TMEM163: variants seen among roughly 807,000 people sequenced by gnomAD.
TMEM163 encodes transmembrane protein 163.
In TMEM163, 17 loss-of-function variants were observed where a neutral mutation model predicts 29.3. That is an observed-to-expected ratio of 0.58 (90% CI 0.40 to 0.87). The LOEUF is 0.87. TMEM163 is among the 40% of genes least tolerant of loss of function. TMEM163 has a pLI of 0.00. For missense variants in TMEM163, 303 were observed against 381.5 expected, an observed-to-expected ratio of 0.79 and a Z score of 1.71; for synonymous variants, 157 against 160.6, an observed-to-expected ratio of 0.98 and a Z score of 0.17.
chr2:134,623,387 G>A (rs1051629968), intron 2 of TMEM163, among the ~76,000 whole-genome samples: 7 of 152,068 alleles, frequency 4.6e-5, no homozygotes, highest in African/African-American at 1.7e-4. Flanking sequence ...TCACACCCAA[G>A]TACTAGATTC....
chr2:134,584,042 G>A (rs1167721535), intron 2 of TMEM163, among the ~76,000 whole-genome samples: 1 of 152,160 alleles, frequency 6.6e-6, no homozygotes. Flanking sequence ...GCAGCACCTG[G>A]CTCCTAGTAG....
At chr2:134,639,186 C>A (rs1440918926) in intron 2 of TMEM163, among the ~76,000 whole-genome samples, 2 of 152,166 alleles carry the variant, frequency 1.3e-5, no homozygotes, top group Non-Finnish European at 2.9e-5. Flanking sequence ...TGACACTGAG[C>A]AGAATCAACA....
intron 1 of TMEM163, chr2:134,713,638 T>C (rs772814673): frequency 8.0e-6 from 4 of 500,242 alleles, no homozygotes; most frequent in South Asian, 6.2e-5. Flanking sequence ...CCCTGTGTTA[T>C]GTTGCTTGGC....
chr2:134,545,564 G>T (rs1449835765), intron 4 of TMEM163, among the ~76,000 whole-genome samples: 1 of 151,724 alleles, frequency 6.6e-6, no homozygotes, highest in East Asian at 1.9e-4. Context: ...TCACCTCCTG[G>T]CCCCTTCCCT....
intron 2 of TMEM163, among the ~76,000 whole-genome samples, chr2:134,711,125 C>A (rs1023528515): frequency 6.6e-6 from 1 of 152,174 alleles, no homozygotes; most frequent in Admixed American, 6.5e-5. Flanking sequence ...ATTGCTTAAT[C>A]TCTATTTATT....
At chr2:134,554,347 A>T (rs1456201425) in intron 2 of TMEM163, among the ~76,000 whole-genome samples, 1 of 146,710 alleles carries the variant, frequency 6.8e-6, no homozygotes, top group Non-Finnish European at 1.5e-5. Context: ...AATCACTTGA[A>T]CCCGGGAGGC....
intron 2 of TMEM163, among the ~76,000 whole-genome samples, chr2:134,700,674 G>A (rs1317979151): frequency 1.3e-5 from 2 of 152,072 alleles, no homozygotes; most frequent in African/African-American, 2.4e-5. Context: ...TAAGGCGGGC[G>A]GATGACCTGA....
chr2:134,523,547 C>T (rs571184545), intron 4 of TMEM163, among the ~76,000 whole-genome samples: 1 of 152,138 alleles, frequency 6.6e-6, no homozygotes, highest in Non-Finnish European at 1.5e-5. Flanking sequence ...CTGTCTCTCC[C>T]CCAATCTCCC....
intron 2 of TMEM163, among the ~76,000 whole-genome samples, chr2:134,699,021 A>C (rs1446074528): frequency 2.0e-5 from 3 of 152,252 alleles, no homozygotes; most frequent in African/African-American, 7.2e-5. Context: ...TGAATTTGGT[A>C]GGATGTGACC....
intron 5 of TMEM163, among the ~76,000 whole-genome samples, chr2:134,478,029 A>G (rs572554145): frequency 6.6e-6 from 1 of 152,234 alleles, no homozygotes; most frequent in African/African-American, 2.4e-5. Context: ...AAGTTATTTC[A>G]TGTGAGATCT....
At chr2:134,562,840 G>C (rs1681212400) in intron 2 of TMEM163, among the ~76,000 whole-genome samples, 1 of 152,084 alleles carries the variant, frequency 6.6e-6, no homozygotes, top group Non-Finnish European at 1.5e-5. Flanking sequence ...AGAATAAAAT[G>C]ATCAAAGATC....
intron 2 of TMEM163, among the ~76,000 whole-genome samples, chr2:134,605,724 G>A (rs144405578): frequency 6.6e-6 from 1 of 151,818 alleles, no homozygotes; most frequent in Non-Finnish European, 1.5e-5. Flanking sequence ...GAGGAGGGGA[G>A]GGGAGGGGAG....
At chr2:134,703,172 A>C (rs895148683) in intron 2 of TMEM163, among the ~76,000 whole-genome samples, 11 of 152,332 alleles carry the variant, frequency 7.2e-5, no homozygotes, top group African/African-American at 2.4e-4. Context: ...CATGGTATCC[A>C]GGAAACAGGG....
chr2:134,691,527 TAC>T (rs1684465514), intron 2 of TMEM163, among the ~76,000 whole-genome samples: 1 of 152,318 alleles, frequency 6.6e-6, no homozygotes, highest in African/African-American at 2.4e-5. Context: ...CTATTGTAAA[TAC>T]ACACACACGT....
chr2:134,696,045 C>A (rs1340964662), intron 2 of TMEM163, among the ~76,000 whole-genome samples: 6 of 133,290 alleles, frequency 4.5e-5, no homozygotes, highest in African/African-American at 2.0e-4. Context: ...GAGAAAGACA[C>A]CGTCTCAAAA....
rs1455120585 is a variant in TMEM163 at position 134,594,865 on chromosome 2, CTCTCTCTCTCTCTCTCTACT to C, written c.323-42794_323-42775del. 2.6e-5 allele frequency among the ~76,000 whole-genome samples: 4 copies of C among 151,916 alleles called. No individual in the cohort carries two copies. In the East Asian group the frequency reaches 7.8e-4, roughly 29 times the overall value. ...AGAGACCTTGAGTCTCTCTCTCTCT[CTCTCTCTCTCTCTCTCTACT>C]TCTCTCTCTCTCCTCTCTCTCAGAA... is the stretch of plus-strand genomic sequence containing the variant. On this transcript the variant is annotated intron_variant, in intron 2 of 7. Transcript: ENST00000281924.
chr2:134,561,818 A>T (rs117056358), intron 2 of TMEM163, among the ~76,000 whole-genome samples: 2 of 152,156 alleles, frequency 1.3e-5, no homozygotes, highest in Non-Finnish European at 2.9e-5. Flanking sequence ...CGCTCAACTA[A>T]TCAGTCTTTC....
intron 2 of TMEM163, among the ~76,000 whole-genome samples, chr2:134,591,172 A>G (rs1681926663): frequency 6.6e-6 from 1 of 152,108 alleles, no homozygotes. Context: ...AAAAGTGACA[A>G]CCCTCTTCCA....
At chr2:134,633,463 G>A (rs1683026096) in intron 2 of TMEM163, among the ~76,000 whole-genome samples, 1 of 152,142 alleles carries the variant, frequency 6.6e-6, no homozygotes, top group Non-Finnish European at 1.5e-5. Context: ...CCTAGGGAAG[G>A]ATAGGAATTT....
Sources: allele counts gnomAD v4.1 joint callset (sites outside exome capture counted in the v4.1 genomes callset), GRCh38; gene constraint gnomAD v4.1.1; transcripts MANE v1.5; gene names NCBI Gene and HGNC (gene_info 2026-07-23, HGNC 2026-07-21).